Variants in RFX7 observed in about 807,000 individuals in gnomAD.
RFX7 encodes regulatory factor X7, also known as DNA-binding protein RFX7.
A neutral mutation model predicts 111.8 loss-of-function variants in RFX7; 26 were observed. The ratio of observed to expected loss-of-function variants is 0.23; its 90% CI spans 0.17 to 0.32. The LOEUF is 0.32. RFX7 is among the 10% of genes least tolerant of loss of function. The pLI is 1.00. For synonymous variants in RFX7, 624 were observed against 624.4 expected (o/e 1.00, Z 0.01); for missense variants, 1,573 against 1,772.9 (o/e 0.89, Z 2.02).
At chr15:56,170,516 G>A (rs2042834576) in intron 3 of RFX7, among the ~76,000 whole-genome samples, 1 of 152,112 alleles carries the variant, frequency 6.6e-6, no homozygotes, top group Admixed American at 6.6e-5. Context: ...CTCACCAAGT[G>A]TGAAAACCCA....
intron 5 of RFX7, among the ~76,000 whole-genome samples, chr15:56,117,109 C>T (rs1281781958): frequency 1.3e-5 from 2 of 152,004 alleles, no homozygotes; most frequent in Non-Finnish European, 2.9e-5. Context: ...GAGGGTATTC[C>T]TTTTGTAAAG....
Position 56,243,608 on chromosome 15 carries a change from G to C in RFX7, c.-166C>G, listed in dbSNP as rs1186560346. On this transcript the variant is annotated 5_prime_UTR_variant, in exon 1 of 10. Transcript: ENST00000559447. ...CCTCCCGTCAGCGGCCGGGGCTGTG[G>C]GGGGGTGAGATGGGGGCGTTTGAAG... The C allele has an allele frequency of 7.3e-6, 3 of 409,284 alleles. No homozygotes were observed. The highest frequency in any genetic ancestry group is 2.2e-5 in the African/African-American group (1 of 45,416). The allele number at this position is 409,284 out of a possible 1,614,324, so 25.4% of individuals were successfully genotyped here. A position where few individuals can be genotyped will look rare whatever the true frequency, so the allele number is the denominator to read the frequency against.
intron 2 of RFX7, among the ~76,000 whole-genome samples, chr15:56,241,786 T>C (rs1379082823): frequency 1.3e-5 from 2 of 152,168 alleles, no homozygotes; most frequent in South Asian, 2.1e-4. Context: ...AACATGACTA[T>C]TGTCAAAGCC....
intron 5 of RFX7, among the ~76,000 whole-genome samples, chr15:56,114,483 T>A (rs1259996321): frequency 6.6e-6 from 1 of 151,604 alleles, no homozygotes; most frequent in Non-Finnish European, 1.5e-5. Flanking sequence ...AAAAAGAAAT[T>A]TATCGTTTTC....
At chr15:56,222,370 G>A (rs1468243179) in intron 2 of RFX7, among the ~76,000 whole-genome samples, 3 of 152,048 alleles carry the variant, frequency 2.0e-5, no homozygotes, top group African/African-American at 7.2e-5. Context: ...TACTGGGATT[G>A]GTGTTTGCTG....
At position 56,179,266 on chromosome 15, in the gene RFX7, T is replaced by G; in HGVS notation, c.195+4A>C. 1 of 1,270,946 alleles carries G rather than the reference T, an allele frequency of 7.9e-7. No homozygotes were observed. Among genetic ancestry groups the G allele is most frequent in the Non-Finnish European group, 1.0e-6 (1 of 959,088 alleles). 78.7% of individuals were successfully genotyped at this position (1,270,946 alleles called of 1,614,324 possible). ...AGGATTTTAATATTAGTTATTTCAC[T>G]TACCAAAATGCAGTCCACTTTAGAT... is the stretch of plus-strand genomic sequence containing the variant. On this transcript the variant is annotated splice_donor_region_variant and intron_variant, in intron 3 of 9. Transcript: ENST00000559447.
Position 56,090,663 on chromosome 15 carries a change from A to C in RFX7, c.*2682T>G, listed in dbSNP as rs1371958712. ...CTACTGTAGTTTCAGCAGGTACAAC[A>C]GACAACAAAACACTGGGGAAATCTG... is the stretch of plus-strand genomic sequence containing the variant. On this transcript the variant is annotated 3_prime_UTR_variant, in exon 10 of 10. Transcript: ENST00000559447. 1 of 152,630 alleles carries C rather than the reference A, an allele frequency of 6.6e-6. No individual in the cohort carries two copies. Among genetic ancestry groups the C allele is most frequent in the Non-Finnish European group, 1.5e-5 (1 of 68,024 alleles). 9.5% of individuals were successfully genotyped at this position (152,630 alleles called of 1,614,324 possible).
intron 2 of RFX7, among the ~76,000 whole-genome samples, chr15:56,200,526 A>G (rs1172559311): frequency 6.6e-6 from 1 of 152,084 alleles, no homozygotes; most frequent in African/African-American, 2.4e-5. Context: ...ACATTAAGAA[A>G]AAGTCGTAAA....
At chr15:56,139,634 T>A (rs1252105011) in intron 5 of RFX7, among the ~76,000 whole-genome samples, 1 of 152,260 alleles carries the variant, frequency 6.6e-6, no homozygotes, top group Non-Finnish European at 1.5e-5. Context: ...ACATTCTCCA[T>A]CCAGCTTTGT....
intron 5 of RFX7, among the ~76,000 whole-genome samples, chr15:56,112,037 C>T (rs768240349): frequency 2.2e-4 from 33 of 151,692 alleles, no homozygotes; most frequent in Admixed American, 2.0e-3. Flanking sequence ...ATCACTTGAA[C>T]CCAGGAGGCG....
At chr15:56,123,316 G>A (rs980947204) in intron 5 of RFX7, among the ~76,000 whole-genome samples, 1 of 152,156 alleles carries the variant, frequency 6.6e-6, no homozygotes, top group East Asian at 1.9e-4. Flanking sequence ...TCCCATCAAC[G>A]TAGTGGGTTC....
chr15:56,127,540 T>A (rs1379347380), intron 5 of RFX7, among the ~76,000 whole-genome samples: 1 of 135,794 alleles, frequency 7.4e-6, no homozygotes, highest in African/African-American at 2.6e-5. Context: ...AAAATTGTTT[T>A]TTTGAAAAGA....
intron 2 of RFX7, among the ~76,000 whole-genome samples, chr15:56,194,250 T>C (rs1416452539): frequency 6.6e-6 from 1 of 152,168 alleles, no homozygotes; most frequent in African/African-American, 2.4e-5. Context: ...TCCTCAAGTC[T>C]GAAGTCAGAG....
intron 2 of RFX7, among the ~76,000 whole-genome samples, chr15:56,190,570 T>C (rs1408103126): frequency 6.6e-6 from 1 of 152,182 alleles, no homozygotes; most frequent in South Asian, 2.1e-4. Context: ...TCCATAGATA[T>C]GAATCACAAA....
At chr15:56,232,345 T>C (rs1361485493) in intron 2 of RFX7, among the ~76,000 whole-genome samples, 1 of 152,174 alleles carries the variant, frequency 6.6e-6, no homozygotes, top group Admixed American at 6.5e-5. Flanking sequence ...CTTTTAGCCA[T>C]GGCTGGAGCT....
At chr15:56,202,382 G>A (rs1202327736) in intron 2 of RFX7, among the ~76,000 whole-genome samples, 2 of 152,144 alleles carry the variant, frequency 1.3e-5, no homozygotes, top group African/African-American at 4.8e-5. Context: ...AATCCAATGT[G>A]TATTTTATAC....
intron 2 of RFX7, among the ~76,000 whole-genome samples, chr15:56,239,999 T>TCG (rs1229576735): frequency 1.1e-4 from 16 of 139,410 alleles, no homozygotes; most frequent in Non-Finnish European, 2.5e-4. Flanking sequence ...TTTTTTTTTT[T>TCG]TTTTTTTGAA....
intron 2 of RFX7, among the ~76,000 whole-genome samples, chr15:56,237,273 T>C (rs1379639583): frequency 1.3e-5 from 2 of 152,126 alleles, no homozygotes; most frequent in East Asian, 1.9e-4. Context: ...CCTAACTGAA[T>C]AAAAGAGAAG....
chr15:56,168,510 T>C (rs1296738240), intron 3 of RFX7, among the ~76,000 whole-genome samples: 1 of 152,186 alleles, frequency 6.6e-6, no homozygotes, highest in Non-Finnish European at 1.5e-5. Flanking sequence ...TAGTACATGG[T>C]AATAGCTTTG....
Sources: gnomAD v4.1 joint callset for allele counts (sites outside exome capture counted in the v4.1 genomes callset) on GRCh38, gnomAD v4.1.1 for gene constraint, MANE v1.5 for transcripts, NCBI Gene and HGNC (gene_info 2026-07-23, HGNC 2026-07-21) for gene names.